KIF25: variants seen among roughly 807,000 people sequenced by gnomAD.
The protein encoded by KIF25 is kinesin-like protein KIF25.
KIF25 carries 19 observed loss-of-function variants against 32.9 expected under a neutral mutation model. That is an observed-to-expected ratio of 0.58 (90% CI 0.40 to 0.85). The LOEUF is 0.85. Ranked by LOEUF, KIF25 falls within the 40% of genes least tolerant of loss-of-function variation. The pLI, the probability that KIF25 is intolerant of heterozygous loss-of-function variation, is 0.00. For missense variants in KIF25, 485 were observed against 507.0 expected (o/e 0.96, Z 0.42); for synonymous variants, 225 against 213.7 (o/e 1.05, Z -0.46).
At chr6:168,019,905 C>T (rs1202185563) in intron 5 of KIF25, among the ~76,000 whole-genome samples, 3 of 151,960 alleles carry the variant, frequency 2.0e-5, no homozygotes, top group Non-Finnish European at 4.4e-5. Flanking sequence ...GAGGCCAAGG[C>T]GGGTGGCTCA....
intron 9 of KIF25, 60 bp from the exon 10 acceptor site, chr6:168,040,005 G>T (rs980184310): frequency 1.3e-6 from 2 of 1,540,742 alleles, no homozygotes; most frequent in South Asian, 2.5e-5. Flanking sequence ...AGTCTTGGAA[G>T]TCGCCTTAGG....
At chr6:168,018,881 C>T (rs1798751275) in intron 5 of KIF25, among the ~76,000 whole-genome samples, 1 of 152,326 alleles carries the variant, frequency 6.6e-6, no homozygotes, top group Admixed American at 6.5e-5. Context: ...GGGTTCCCCT[C>T]AAGCCTCCGC....
At chr6:168,032,554 C>T (rs1029329) in intron 7 of KIF25, among the ~76,000 whole-genome samples, 11,607 of 152,226 alleles carry the variant, frequency 0.076, 667 homozygotes, top group African/African-American at 0.16. Flanking sequence ...GGTTTCCAGG[C>T]TCTTGTGGCT....
At chr6:168,004,152 A>C (rs1798547655) in intron 4 of KIF25, among the ~76,000 whole-genome samples, 2 of 152,172 alleles carry the variant, frequency 1.3e-5, no homozygotes, top group African/African-American at 4.8e-5. Context: ...GGGGTGTCTG[A>C]GTACCAAGCC....
chr6:168,042,607 C>T lies in KIF25; in HGVS notation c.876C>T (p.Ile292=). ...TGLALREMAC[I]SRSLAALAGV... is the part of the protein sequence containing the mutation. ...TGGCCCTGAGGGAGATGGCGTGCAT[C>T]AGCCGCAGCCTTGCGGCCCTGGCAG... is the stretch of plus-strand genomic sequence containing the variant. The change falls in exon 12 of 13, where the codon ATC becomes ATT. Residue 292 remains isoleucine (I), a synonymous_variant. Coordinates refer to ENST00000643607, the MANE Select transcript of KIF25 (RefSeq NM_030615.4). 6 of 1,614,004 alleles carry T rather than the reference C, an allele frequency of 3.7e-6. No individual in the cohort carries two copies. The highest frequency in any genetic ancestry group is 5.1e-6 in the Non-Finnish European group (6 of 1,180,000).
chr6:168,028,799 G>C (rs896122878), intron 5 of KIF25, among the ~76,000 whole-genome samples: 1 of 152,132 alleles, frequency 6.6e-6, no homozygotes, highest in Admixed American at 6.5e-5. Flanking sequence ...CTTCATGAAG[G>C]ATTAGAACAT....
intron 11 of KIF25, among the ~76,000 whole-genome samples, chr6:168,042,357 C>T (rs1215905999): frequency 6.6e-6 from 1 of 152,190 alleles, no homozygotes; most frequent in Non-Finnish European, 1.5e-5. Context: ...CACACGGGCC[C>T]TCTGGGAACA....
At chr6:168,034,505 C>T (rs1239250679) in intron 8 of KIF25, among the ~76,000 whole-genome samples, 1 of 152,144 alleles carries the variant, frequency 6.6e-6, no homozygotes, top group Admixed American at 6.5e-5. Context: ...GTGATCCACT[C>T]GCCTCGGCCT....
At chr6:168,024,691 C>T (rs567018022) in intron 5 of KIF25, among the ~76,000 whole-genome samples, 1 of 152,148 alleles carries the variant, frequency 6.6e-6, no homozygotes, top group Admixed American at 6.5e-5. Context: ...CACGGTGGCT[C>T]ACACCTGTAA....
At chr6:168,003,242 A>C (rs1409964306) in intron 3 of KIF25, among the ~76,000 whole-genome samples, 2 of 152,010 alleles carry the variant, frequency 1.3e-5, no homozygotes, top group Admixed American at 1.3e-4. Flanking sequence ...AATAAAGAAC[A>C]GGGGTATTGG....
chr6:168,013,390 G>A (rs531342481), intron 4 of KIF25, among the ~76,000 whole-genome samples: 11 of 152,114 alleles, frequency 7.2e-5, no homozygotes, highest in Admixed American at 1.3e-4. Context: ...GGGTTGTGAC[G>A]TTCAGCCACC....
intron 5 of KIF25, among the ~76,000 whole-genome samples, chr6:168,028,742 CT>C (rs1378290932): frequency 6.6e-6 from 1 of 152,172 alleles, no homozygotes; most frequent in Non-Finnish European, 1.5e-5. Flanking sequence ...TGACTTTTCA[CT>C]TGTTTGAGTT....
At chr6:168,024,911 C>T (rs774119924) in intron 5 of KIF25, among the ~76,000 whole-genome samples, 6 of 152,004 alleles carry the variant, frequency 3.9e-5, no homozygotes, top group African/African-American at 7.2e-5. Flanking sequence ...ATTAGCTGGG[C>T]GTGGTGGCAC....
intron 3 of KIF25, among the ~76,000 whole-genome samples, chr6:168,002,994 C>T (rs60107808): frequency 0.15 from 23,003 of 152,148 alleles, 2,142 homozygotes; most frequent in East Asian, 0.42. Context: ...AGGTGGAGCT[C>T]AGGCAGTGAT....
intron 5 of KIF25, among the ~76,000 whole-genome samples, chr6:168,020,127 C>CACAAACAA (rs1234916322): frequency 3.5e-5 from 3 of 86,740 alleles, no homozygotes; most frequent in South Asian, 1.1e-3. Flanking sequence ...GAGACTCCAT[C>CACAAACAA]TCAAACAAAC....
At chr6:168,001,042 G>A (rs758961967) in intron 2 of KIF25, among the ~76,000 whole-genome samples, 4 of 152,224 alleles carry the variant, frequency 2.6e-5, no homozygotes, top group Non-Finnish European at 5.9e-5. Flanking sequence ...AGACATGATT[G>A]TGCTGGCTCT....
At position 168,045,024 on chromosome 6, in the gene KIF25, CT is replaced by C; in HGVS notation, c.*29del. 11 of 1,566,386 alleles carry C rather than the reference CT, an allele frequency of 7.0e-6. No homozygotes were observed. Among genetic ancestry groups the C allele is most frequent in the Non-Finnish European group, 9.5e-6 (11 of 1,152,574 alleles). ...GCATTAACAAGTTTTTCTCCTAAAA[CT>C]GTGTTTCTTGTCCTTGCTTTATAAT... On this transcript the variant is annotated 3_prime_UTR_variant, in exon 13 of 13. Transcript: ENST00000643607.
chr6:168,044,150 G>C (rs540249863), intron 12 of KIF25, among the ~76,000 whole-genome samples: 73 of 152,024 alleles, frequency 4.8e-4, no homozygotes, highest in Non-Finnish European at 8.7e-4. Flanking sequence ...GTGACCGGCT[G>C]CTGACCCTCC....
intron 4 of KIF25, among the ~76,000 whole-genome samples, chr6:168,010,664 A>T (rs917564728): frequency 5.3e-5 from 8 of 152,112 alleles, no homozygotes; most frequent in Admixed American, 3.9e-4. Flanking sequence ...TTTAAATCCA[A>T]TGTTTCTTTG....
Sources: gnomAD v4.1 joint callset for allele counts (sites outside exome capture counted in the v4.1 genomes callset) on GRCh38, gnomAD v4.1.1 for gene constraint, MANE v1.5 for transcripts, NCBI Gene and HGNC (gene_info 2026-07-23, HGNC 2026-07-21) for gene names.